Variants in PRKCE observed in about 807,000 individuals in gnomAD.
PRKCE encodes the protein protein kinase C epsilon type.
A neutral mutation model predicts 85.4 loss-of-function variants in PRKCE; 16 were observed. The observed-to-expected ratio is 0.19, with a 90% CI of 0.13 to 0.28. The LOEUF (loss-of-function observed/expected upper bound fraction) is 0.28. PRKCE is among the 10% of genes least tolerant of loss of function. The pLI is 1.00. For synonymous variants in PRKCE, 388 were observed against 371.5 expected (o/e 1.04, Z -0.51); for missense variants, 573 against 975.2 (o/e 0.59, Z 5.49).
intron 2 of PRKCE, among the ~76,000 whole-genome samples, chr2:45,967,941 T>C (rs1701841576): frequency 6.6e-6 from 1 of 152,036 alleles, no homozygotes; most frequent in South Asian, 2.1e-4. Context: ...AAGAGAGAGC[T>C]CAGAGAAAAG....
intron 12 of PRKCE, among the ~76,000 whole-genome samples, chr2:46,149,745 A>T (rs1013576672): frequency 4.9e-4 from 45 of 92,562 alleles, no homozygotes; most frequent in African/African-American, 1.4e-3. Context: ...ATATGTATTT[A>T]TATATATATG....
At chr2:46,060,526 G>C (rs916416830) in intron 10 of PRKCE, among the ~76,000 whole-genome samples, 2 of 152,184 alleles carry the variant, frequency 1.3e-5, no homozygotes, top group Non-Finnish European at 2.9e-5. Context: ...GGAAAGACCA[G>C]AGAAGGAAAA....
intron 2 of PRKCE, among the ~76,000 whole-genome samples, chr2:45,930,780 G>T (rs938396252): frequency 6.6e-5 from 10 of 152,204 alleles, no homozygotes; most frequent in African/African-American, 1.2e-4. Context: ...GGCTTGATGT[G>T]CAGTCCCCCT....
At chr2:46,148,355 A>G (rs193251893) in intron 12 of PRKCE, among the ~76,000 whole-genome samples, 10 of 152,240 alleles carry the variant, frequency 6.6e-5, no homozygotes, top group Non-Finnish European at 1.3e-4. Flanking sequence ...AGCCAAGCCT[A>G]AAAGGAATCT....
At chr2:45,707,698 G>A (rs1679229186) in intron 1 of PRKCE, among the ~76,000 whole-genome samples, 1 of 152,196 alleles carries the variant, frequency 6.6e-6, no homozygotes, top group African/African-American at 2.4e-5. Context: ...TTCTTCTGTG[G>A]CTTCTCATGT....
At chr2:45,915,788 G>A (rs554526046) in intron 2 of PRKCE, among the ~76,000 whole-genome samples, 5 of 152,286 alleles carry the variant, frequency 3.3e-5, no homozygotes, top group African/African-American at 1.2e-4. Flanking sequence ...AAGTCACTCA[G>A]TAACTGGCTG....
At position 45,764,781 on chromosome 2, in the gene PRKCE, C is replaced by A. The variant is rs528984256; in HGVS notation, c.349-78219C>A. 3.3e-5 allele frequency among the ~76,000 whole-genome samples: 5 copies of A among 152,254 alleles called. No homozygotes were observed. In the South Asian group the frequency reaches 1.0e-3, roughly 32 times the overall value. On this transcript the variant is annotated intron_variant, in intron 1 of 14. Coordinates refer to ENST00000306156, the MANE Select transcript of PRKCE (RefSeq NM_005400.3). ...CTATTATTTTTGAGCTTGGAAATTG[C>A]CATTCATTCTGCTGCAAATGAATTA...
rs1677552232 is a variant in PRKCE, at chr2:46,159,551, G to A, written c.1921-55G>A. On this transcript the variant is annotated intron_variant, in intron 13 of 14. Coordinates refer to ENST00000306156, the MANE Select transcript of PRKCE (RefSeq NM_005400.3). The surrounding 1 kb of genome is among the most constrained non-coding windows in gnomAD (Gnocchi z 4.1). ...GGCTGACCTCCATCTGTCCCTTATA[G>A]CCTGTGCTGGCCAGGCCTTTGTCAC... 2 of 1,532,372 alleles carry A rather than the reference G, an allele frequency of 1.3e-6. No homozygotes were observed. Among genetic ancestry groups the A allele is most frequent in the African/African-American group, 1.4e-5 (1 of 72,262 alleles). 94.9% of individuals were successfully genotyped at this position (1,532,372 alleles called of 1,614,324 possible).
chr2:45,929,136 A>G (rs1170283932), intron 2 of PRKCE, among the ~76,000 whole-genome samples: 1 of 151,910 alleles, frequency 6.6e-6, no homozygotes, highest in African/African-American at 2.4e-5. Flanking sequence ...CTATTTACAG[A>G]CTTGTCATGA....
At chr2:45,808,665 C>G (rs771306632) in intron 1 of PRKCE, among the ~76,000 whole-genome samples, 2 of 152,128 alleles carry the variant, frequency 1.3e-5, no homozygotes, top group Non-Finnish European at 2.9e-5. Flanking sequence ...TGTCTCTGCA[C>G]GTGACCCTGC....
chr2:46,112,847 A>G (rs1260141581), intron 11 of PRKCE, among the ~76,000 whole-genome samples: 1 of 152,018 alleles, frequency 6.6e-6, no homozygotes, highest in African/African-American at 2.4e-5. Context: ...TATTTGTTAT[A>G]TTCATTTTTT....
In PRKCE at chr2:45,774,592, A is replaced by G. The variant is rs2104943529; in HGVS notation, c.349-68408A>G. On this transcript the variant is annotated intron_variant, in intron 1 of 14. Transcript: ENST00000306156. The surrounding 1 kb of genome is among the most constrained non-coding windows in gnomAD (Gnocchi z 4.3). ...ATCGGGTGGCTTTTGGTGTGACTGTACAGAGCAGGCAGCCTGTGGGGTAGG... is the reference window on the plus strand; with the variant it reads ...ATCGGGTGGCTTTTGGTGTGACTGTGCAGAGCAGGCAGCCTGTGGGGTAGG... 6.6e-6 allele frequency among the ~76,000 whole-genome samples: 1 copy of G among 152,240 alleles called. No homozygotes were observed. Among genetic ancestry groups the G allele is most frequent in the South Asian group, 2.1e-4 (1 of 4,816 alleles).
intron 1 of PRKCE, among the ~76,000 whole-genome samples, chr2:45,699,478 T>C (rs1325762199): frequency 6.6e-6 from 1 of 152,126 alleles, no homozygotes; most frequent in Non-Finnish European, 1.5e-5. Context: ...AGTGAAGGAA[T>C]AGCCAGATTG....
At chr2:45,997,846 C>T (rs777066481) in intron 6 of PRKCE, among the ~76,000 whole-genome samples, 6 of 152,100 alleles carry the variant, frequency 3.9e-5, no homozygotes, top group Non-Finnish European at 7.4e-5. Context: ...CATACCCGGC[C>T]GGTAAGTTGT....
Position 45,800,553 on chromosome 2 carries a change from G to A in PRKCE, c.349-42447G>A, listed in dbSNP as rs1687780841. ...AGGCCTGTCTAGACTGGGGTTTGAGGGCAGCCTTCACTCCTTACTCCTAGA... is the reference window on the plus strand; with the variant it reads ...AGGCCTGTCTAGACTGGGGTTTGAGAGCAGCCTTCACTCCTTACTCCTAGA... On this transcript the variant is annotated intron_variant, in intron 1 of 14. Coordinates refer to ENST00000306156, the MANE Select transcript of PRKCE (RefSeq NM_005400.3). Among the ~76,000 whole-genome samples the A allele has an allele frequency of 2.0e-5, 3 of 152,336 alleles. No homozygotes were observed. In the South Asian group the frequency reaches 6.2e-4, roughly 32 times the overall value.
intron 11 of PRKCE, among the ~76,000 whole-genome samples, chr2:46,136,166 A>G (rs1049351960): frequency 6.6e-6 from 1 of 152,140 alleles, no homozygotes; most frequent in Middle Eastern, 3.2e-3. Flanking sequence ...TTATTTCTGC[A>G]GCACTCAGGC....
chr2:46,170,684 T>A (rs1429223973), intron 14 of PRKCE, among the ~76,000 whole-genome samples: 1 of 152,212 alleles, frequency 6.6e-6, no homozygotes, highest in African/African-American at 2.4e-5. Flanking sequence ...TGCCCGGGAA[T>A]TTGGGGTCAT....
chr2:46,167,638 G>A (rs1678469349), intron 14 of PRKCE, among the ~76,000 whole-genome samples: 1 of 152,118 alleles, frequency 6.6e-6, no homozygotes, highest in South Asian at 2.1e-4. Flanking sequence ...AGTGCCAAGG[G>A]GAGGGAGGTA....
chr2:46,094,227 C>T (rs1165879182), intron 11 of PRKCE, among the ~76,000 whole-genome samples: 2 of 152,194 alleles, frequency 1.3e-5, no homozygotes, highest in Non-Finnish European at 2.9e-5. Context: ...TCCTAGGCTT[C>T]CTTTTCCCAC....
Sources: allele counts gnomAD v4.1 joint callset (sites outside exome capture counted in the v4.1 genomes callset), GRCh38; gene constraint gnomAD v4.1.1; non-coding constraint Gnocchi (gnomAD v3.1); transcripts MANE v1.5; gene names NCBI Gene and HGNC (gene_info 2026-07-23, HGNC 2026-07-21).